CDK6: variants seen among roughly 807,000 people sequenced by gnomAD.
CDK6 encodes cyclin dependent kinase 6.
CDK6 carries 6 observed loss-of-function variants against 37.1 expected under a neutral mutation model. The ratio of observed to expected loss-of-function variants is 0.16; its 90% CI spans 0.09 to 0.32. CDK6 has a LOEUF of 0.32. Among genes scored for constraint, CDK6 ranks in the 10% least tolerant of loss-of-function variants. CDK6 has a pLI of 1.00. For synonymous variants in CDK6, 160 were observed against 161.3 expected, an observed-to-expected ratio of 0.99 and a Z score of 0.06; for missense variants, 224 against 418.9, an observed-to-expected ratio of 0.53 and a Z score of 4.06.
chr7:92,710,948 C>A, intron 4 of CDK6: 18 of 804,868 alleles, frequency 2.2e-5, no homozygotes, highest in Non-Finnish European at 2.7e-5. Context: ...GAGCAGAAAG[C>A]GCCAGCAAAG....
chr7:92,629,419 A>C (rs1354754790), intron 5 of CDK6, among the ~76,000 whole-genome samples: 1 of 151,798 alleles, frequency 6.6e-6, no homozygotes, highest in African/African-American at 2.4e-5. Flanking sequence ...GAGAGAAAGA[A>C]AGAGAGGGAG....
At chr7:92,729,579 A>G (rs1432809287) in intron 3 of CDK6, among the ~76,000 whole-genome samples, 1 of 152,174 alleles carries the variant, frequency 6.6e-6, no homozygotes, top group African/African-American at 2.4e-5. Context: ...ATGCCCCTAA[A>G]AAGACTCTGG....
In CDK6 at chr7:92,735,066, T is replaced by A. The variant is rs868395508; in HGVS notation, c.370-9273A>T. Among the ~76,000 whole-genome samples, 4 of 152,176 alleles carry A rather than the reference T, an allele frequency of 2.6e-5. No homozygotes were observed. The South Asian group carries it at 8.3e-4, about 32-fold the overall frequency. On this transcript the variant is annotated intron_variant, in intron 3 of 7. Transcript: ENST00000424848. ...CAAATCACTTTGCCTGAGTCTTCAC[T>A]TGGATGCAGAATTGGACTATTGGCC...
At chr7:92,769,657 G>C (rs1225609943) in intron 3 of CDK6, among the ~76,000 whole-genome samples, 3 of 152,162 alleles carry the variant, frequency 2.0e-5, no homozygotes, top group Non-Finnish European at 4.4e-5. Flanking sequence ...TTTAGTAAAA[G>C]AGGGCATTAC....
chr7:92,644,106 T>C (rs1054831239), intron 5 of CDK6, among the ~76,000 whole-genome samples: 4 of 152,224 alleles, frequency 2.6e-5, no homozygotes, highest in Non-Finnish European at 5.9e-5. Flanking sequence ...AGTGGTCAGA[T>C]GTGGCACTCA....
intron 2 of CDK6, among the ~76,000 whole-genome samples, chr7:92,775,075 C>G (rs75261345): frequency 3.9e-5 from 6 of 152,290 alleles, no homozygotes; most frequent in Non-Finnish European, 8.8e-5. Context: ...AATGAGAAAG[C>G]AACGCGCTTG....
chr7:92,691,448 T>C (rs1485906776), intron 4 of CDK6, among the ~76,000 whole-genome samples: 1 of 152,238 alleles, frequency 6.6e-6, no homozygotes, highest in Non-Finnish European at 1.5e-5. Flanking sequence ...CTATTACATA[T>C]TGTAAATGTG....
intron 3 of CDK6, among the ~76,000 whole-genome samples, chr7:92,754,424 T>C (rs1799263042): frequency 6.6e-6 from 1 of 152,196 alleles, no homozygotes. Flanking sequence ...ACGCAAAACC[T>C]GTTGAAGTTA....
In CDK6 at chr7:92,611,310, T is replaced by TA. The variant is rs942195907; in HGVS notation, c.*3829dup. ...CAGGGTAAATATTCTGTAGTTTCTA[T>TA]ACTAACATAATTAAGTAATTATGGT... is the stretch of plus-strand genomic sequence containing the variant. On this transcript the variant is annotated 3_prime_UTR_variant, in exon 8 of 8. Coordinates refer to ENST00000424848, the MANE Select transcript of CDK6 (RefSeq NM_001145306.2). 1.3e-5 allele frequency: 3 copies of TA among 223,960 alleles called. No homozygotes were observed. The highest frequency in any genetic ancestry group is 7.0e-5 in the African/African-American group (3 of 43,082). The allele number at this position is 223,960 out of a possible 1,614,324, so 13.9% of individuals were successfully genotyped here. A position where few individuals can be genotyped will look rare whatever the true frequency, so the allele number is the denominator to read the frequency against.
intron 5 of CDK6, among the ~76,000 whole-genome samples, chr7:92,642,900 T>C (rs1438369424): frequency 6.6e-6 from 1 of 151,972 alleles, no homozygotes. Context: ...AAAGAATTTT[T>C]TTTTTTTTTT....
chr7:92,807,275 A>T (rs1800750198), intron 2 of CDK6, among the ~76,000 whole-genome samples: 1 of 152,086 alleles, frequency 6.6e-6, no homozygotes, highest in African/African-American at 2.4e-5. Context: ...CTGAAAGTAG[A>T]TCTATATCTA....
chr7:92,624,691 AGGT>A (rs1380496724), intron 5 of CDK6, among the ~76,000 whole-genome samples: 1 of 152,188 alleles, frequency 6.6e-6, no homozygotes, highest in Non-Finnish European at 1.5e-5. Context: ...AAAGATGACA[AGGT>A]GAGAAGTCCA....
chr7:92,832,395 A>C (rs907088674), intron 2 of CDK6, among the ~76,000 whole-genome samples: 1 of 152,200 alleles, frequency 6.6e-6, no homozygotes, highest in African/African-American at 2.4e-5. Flanking sequence ...CCCTTTGGAG[A>C]ATTAGTCTAA....
rs1046838866 is a variant in CDK6, at chr7:92,663,630, G to C, written c.647+7796C>G. 1.7e-4 allele frequency among the ~76,000 whole-genome samples: 26 copies of C among 151,724 alleles called. 1 individual carries two copies. Among genetic ancestry groups the C allele is most frequent in the Non-Finnish European group, 3.2e-4 (22 of 67,952 alleles). ...GCAGGAGAATTGCTTGAACCCAGGA[G>C]GCGGAGGTTGCAGTGAGCCGAGATT... On this transcript the variant is annotated intron_variant, in intron 5 of 7. Coordinates refer to ENST00000424848, the MANE Select transcript of CDK6 (RefSeq NM_001145306.2).
At chr7:92,754,286 T>C (rs567791083) in intron 3 of CDK6, among the ~76,000 whole-genome samples, 1 of 152,360 alleles carries the variant, frequency 6.6e-6, no homozygotes, top group East Asian at 1.9e-4. Flanking sequence ...TGCAATCATT[T>C]AGATGAACAT....
chr7:92,812,358 AGT>A (rs1800906442), intron 2 of CDK6, among the ~76,000 whole-genome samples: 1 of 152,022 alleles, frequency 6.6e-6, no homozygotes, highest in South Asian at 2.1e-4. Context: ...AATAAGTAAT[AGT>A]GTTTGTTATT....
chr7:92,699,806 G>C (rs1005119157), intron 4 of CDK6, among the ~76,000 whole-genome samples: 1 of 152,180 alleles, frequency 6.6e-6, no homozygotes, highest in Non-Finnish European at 1.5e-5. Context: ...CTCTGTGCGA[G>C]GTAGACGTAA....
intron 2 of CDK6, among the ~76,000 whole-genome samples, chr7:92,806,445 C>T (rs1584107486): frequency 1.3e-5 from 2 of 152,262 alleles, no homozygotes; most frequent in East Asian, 3.9e-4. Context: ...TTATTAGCAT[C>T]TTTATAAAAC....
intron 2 of CDK6, among the ~76,000 whole-genome samples, chr7:92,777,861 T>C (rs1260229016): frequency 6.6e-6 from 1 of 152,186 alleles, no homozygotes; most frequent in East Asian, 1.9e-4. Flanking sequence ...TTTGTGTCCA[T>C]GAGCATGGAA....
Sources: allele counts gnomAD v4.1 joint callset (sites outside exome capture counted in the v4.1 genomes callset), GRCh38; gene constraint gnomAD v4.1.1; transcripts MANE v1.5; gene names NCBI Gene and HGNC (gene_info 2026-07-23, HGNC 2026-07-21).